Variants in ACACA observed in about 807,000 individuals in gnomAD.
ACACA encodes acetyl-CoA carboxylase 1.
ACACA carries 103 observed loss-of-function variants against 296.1 expected under a neutral mutation model. The observed-to-expected ratio is 0.35, with a 90% CI of 0.30 to 0.41. ACACA has a LOEUF of 0.41. Ranked by LOEUF, ACACA falls within the 10% of genes least tolerant of loss-of-function variation. The probability of loss-of-function intolerance (pLI) is 1.00; values close to 1 mark genes in which losing one functional copy is unlikely to be tolerated. For missense variants in ACACA, 1,554 were observed against 2,989.7 expected (o/e 0.52, Z 11.20); for synonymous variants, 953 against 1,038.6 (o/e 0.92, Z 1.58).
intron 3 of ACACA, among the ~76,000 whole-genome samples, chr17:37,307,419 G>T (rs929907342): frequency 9.9e-5 from 15 of 151,886 alleles, no homozygotes; most frequent in African/African-American, 3.4e-4. Flanking sequence ...ACCTTTTTTG[G>T]TTGGGCTATG....
At chr17:37,242,891 C>G (rs1358813487) in intron 22 of ACACA, among the ~76,000 whole-genome samples, 2 of 152,066 alleles carry the variant, frequency 1.3e-5, no homozygotes, top group African/African-American at 4.8e-5. Flanking sequence ...CAAAAATTAG[C>G]TGGCATGGCA....
chr17:37,220,241 C>A (rs1356549750), intron 29 of ACACA, among the ~76,000 whole-genome samples: 1 of 152,020 alleles, frequency 6.6e-6, no homozygotes, highest in Non-Finnish European at 1.5e-5. Flanking sequence ...ATTCCCTCAC[C>A]AAACTGGACA....
Position 37,406,673 on chromosome 17 carries a change from A to C in ACACA, c.-374T>G, listed in dbSNP as rs2147871615. ...CACGCGCCACACGGGCAAAGTGATT[A>C]CTGGTCGGATCAAAAGTCAGGCAAG... On this transcript the variant is annotated 5_prime_UTR_variant, in exon 1 of 56. Coordinates refer to ENST00000616317, the MANE Select transcript of ACACA (RefSeq NM_198834.3). The C allele has an allele frequency of 2.4e-6, 1 of 413,328 alleles. No homozygotes were observed. Among genetic ancestry groups the C allele is most frequent in the East Asian group, 5.3e-5 (1 of 18,912 alleles). The allele number at this position is 413,328 out of a possible 1,614,324, so 25.6% of individuals were successfully genotyped here.
At chr17:37,301,472 G>T in intron 3 of ACACA, 1 of 867,764 alleles carries the variant, frequency 1.2e-6, no homozygotes, top group Non-Finnish European at 1.4e-6. Flanking sequence ...CCGGCAGACA[G>T]TGATGCATTC....
intron 45 of ACACA, among the ~76,000 whole-genome samples, chr17:37,136,291 T>A (rs1287234378): frequency 6.6e-6 from 1 of 152,168 alleles, no homozygotes; most frequent in Non-Finnish European, 1.5e-5. Flanking sequence ...GAATGTTACA[T>A]AAATGGAGTC....
chr17:37,384,549 C>A (rs2050443746), intron 1 of ACACA, among the ~76,000 whole-genome samples: 1 of 151,438 alleles, frequency 6.6e-6, no homozygotes, highest in South Asian at 2.1e-4. Flanking sequence ...TTTACTATTA[C>A]CATCTTACAG....
chr17:37,155,140 T>A (rs2144247621), intron 43 of ACACA, among the ~76,000 whole-genome samples: 1 of 152,258 alleles, frequency 6.6e-6, no homozygotes, highest in South Asian at 2.1e-4. Flanking sequence ...TATATAAATG[T>A]CCCTTAAGTG....
At chr17:37,201,037 A>AT (rs941853574) in intron 33 of ACACA, among the ~76,000 whole-genome samples, 1 of 152,180 alleles carries the variant, frequency 6.6e-6, no homozygotes, top group African/African-American at 2.4e-5. Flanking sequence ...ACATGAAGGC[A>AT]TTTTTTAAAA....
intron 5 of ACACA, among the ~76,000 whole-genome samples, chr17:37,279,806 C>T (rs2082430834): frequency 6.6e-6 from 1 of 152,042 alleles, no homozygotes; most frequent in African/African-American, 2.4e-5. Context: ...GTGAGACTCT[C>T]ACCTATTGTC....
chr17:37,351,037 A>T (rs906954104), intron 1 of ACACA, among the ~76,000 whole-genome samples: 7 of 148,960 alleles, frequency 4.7e-5, no homozygotes, highest in Non-Finnish European at 1.5e-5. Flanking sequence ...CTACTCGGGA[A>T]CCTGAGGCAG....
At chr17:37,130,755 C>T (rs1452309188) in intron 45 of ACACA, among the ~76,000 whole-genome samples, 1 of 152,070 alleles carries the variant, frequency 6.6e-6, no homozygotes, top group Non-Finnish European at 1.5e-5. Flanking sequence ...GCATAGGCTA[C>T]CTCATTGTGT....
chr17:37,108,079 C>T (rs751033580), intron 52 of ACACA, among the ~76,000 whole-genome samples: 10 of 152,176 alleles, frequency 6.6e-5, no homozygotes, highest in Admixed American at 6.5e-5. Context: ...AATGACTCTA[C>T]CAAGCCCTGG....
chr17:37,191,424 TA>T, intron 37 of ACACA, 149 bp from the exon 38 acceptor site: 2 of 837,166 alleles, frequency 2.4e-6, no homozygotes, highest in Non-Finnish European at 3.8e-6. Flanking sequence ...GTCAGTCCAG[TA>T]ACCACAGGGA....
intron 41 of ACACA, among the ~76,000 whole-genome samples, chr17:37,173,171 C>G (rs758073634): frequency 2.0e-5 from 3 of 152,090 alleles, no homozygotes; most frequent in Non-Finnish European, 2.9e-5. Flanking sequence ...ATGGCCTACC[C>G]TTTTCTCACC....
At chr17:37,164,071 C>G (rs1333594296) in intron 41 of ACACA, among the ~76,000 whole-genome samples, 3 of 142,214 alleles carry the variant, frequency 2.1e-5, no homozygotes, top group South Asian at 2.4e-4. Context: ...CTTTCTGTCT[C>G]TCACCCCCCT....
chr17:37,159,115 A>G (rs2076365883), intron 42 of ACACA, among the ~76,000 whole-genome samples: 1 of 151,902 alleles, frequency 6.6e-6, no homozygotes, highest in Non-Finnish European at 1.5e-5. Flanking sequence ...GAGTTGGCAG[A>G]TACAGTAGGC....
chr17:37,375,252 C>T (rs1343146676), intron 1 of ACACA, among the ~76,000 whole-genome samples: 2 of 151,836 alleles, frequency 1.3e-5, no homozygotes, highest in African/African-American at 4.8e-5. Flanking sequence ...TTCGGGAGGC[C>T]GAGGCAGGTG....
chr17:37,297,170 G>A (rs1227347386), intron 3 of ACACA, among the ~76,000 whole-genome samples: 3 of 151,616 alleles, frequency 2.0e-5, no homozygotes, highest in South Asian at 2.1e-4. Flanking sequence ...GGCCGGGCGC[G>A]GTGGCTCACG....
intron 4 of ACACA, among the ~76,000 whole-genome samples, chr17:37,284,542 A>C (rs953864250): frequency 2.0e-5 from 3 of 152,220 alleles, no homozygotes. Flanking sequence ...TCCTGGGCTC[A>C]AGTGATCCTT....
Sources: gnomAD v4.1 joint callset for allele counts (sites outside exome capture counted in the v4.1 genomes callset) on GRCh38, gnomAD v4.1.1 for gene constraint, MANE v1.5 for transcripts, NCBI Gene and HGNC (gene_info 2026-07-23, HGNC 2026-07-21) for gene names.